Variants in IKZF2 observed in about 807,000 individuals in gnomAD.
IKZF2 encodes zinc finger protein Helios.
In IKZF2, 15 loss-of-function variants were observed where a neutral mutation model predicts 49.2. The ratio of observed to expected loss-of-function variants is 0.30; its 90% CI spans 0.20 to 0.47. IKZF2 has a LOEUF of 0.47. IKZF2 is among the 20% of genes least tolerant of loss of function. The pLI is 1.00. For missense variants in IKZF2, 567 were observed against 664.6 expected (o/e 0.85, Z 1.61); for synonymous variants, 227 against 221.4 (o/e 1.03, Z -0.23).
chr2:213,059,194 C>A (rs1160208155), intron 4 of IKZF2, among the ~76,000 whole-genome samples: 1 of 151,612 alleles, frequency 6.6e-6, no homozygotes, highest in Non-Finnish European at 1.5e-5. Context: ...AAGTTGTCTG[C>A]CCATTTTTCT....
intron 5 of IKZF2, among the ~76,000 whole-genome samples, chr2:213,054,238 C>T (rs1700942874): frequency 1.3e-5 from 2 of 149,986 alleles, no homozygotes; most frequent in African/African-American, 2.5e-5. Context: ...AGCAAGACTC[C>T]AACTCAAAAA....
At position 213,005,705 on chromosome 2, in the gene IKZF2, A is replaced by G. The variant is rs1392143028; in HGVS notation, c.*1655T>C. The G allele has an allele frequency of 2.6e-5, 4 of 152,088 alleles. No individual in the cohort carries two copies. Among genetic ancestry groups the G allele is most frequent in the Non-Finnish European group, 5.9e-5 (4 of 68,006 alleles). The allele number at this position is 152,088 out of a possible 1,614,324, so 9.4% of individuals were successfully genotyped here. On this transcript the variant is annotated 3_prime_UTR_variant, in exon 9 of 9. Coordinates refer to ENST00000434687, the MANE Select transcript of IKZF2 (RefSeq NM_001387220.1). ...GTCAGGTCTGTCCTCCCCAAACAGAAGCAGCAAGTTCTGCCTTCCAAGTAT... is the reference window on the plus strand; with the variant it reads ...GTCAGGTCTGTCCTCCCCAAACAGAGGCAGCAAGTTCTGCCTTCCAAGTAT...
chr2:213,041,071 T>C (rs1699592973), intron 6 of IKZF2, among the ~76,000 whole-genome samples: 1 of 151,294 alleles, frequency 6.6e-6, no homozygotes, highest in Non-Finnish European at 1.5e-5. Context: ...TGAGCCGAGA[T>C]CACGCCACTG....
chr2:213,107,270 C>T (rs2059565561), intron 4 of IKZF2, among the ~76,000 whole-genome samples: 1 of 152,132 alleles, frequency 6.6e-6, no homozygotes, highest in Admixed American at 6.6e-5. Flanking sequence ...TAAGGCTTAG[C>T]AAGACAAACA....
chr2:213,091,928 A>G (rs976327497), intron 4 of IKZF2, among the ~76,000 whole-genome samples: 15 of 149,624 alleles, frequency 1.0e-4, no homozygotes, highest in African/African-American at 3.4e-4. Context: ...GTGTGTGTGT[A>G]CTCATACTAT....
intron 4 of IKZF2, among the ~76,000 whole-genome samples, chr2:213,064,678 C>T (rs753087245): frequency 6.6e-6 from 1 of 151,966 alleles, no homozygotes; most frequent in Admixed American, 6.6e-5. Context: ...CTTTATCCAA[C>T]CTTTCGATGA....
intron 4 of IKZF2, among the ~76,000 whole-genome samples, chr2:213,089,154 A>G (rs867095943): frequency 6.6e-5 from 10 of 152,300 alleles, no homozygotes; most frequent in Middle Eastern, 6.8e-3. Flanking sequence ...TGACATCACT[A>G]TTCACCAGGC....
intron 4 of IKZF2, among the ~76,000 whole-genome samples, chr2:213,118,722 G>C (rs2059955955): frequency 6.6e-6 from 1 of 150,556 alleles, no homozygotes; most frequent in Non-Finnish European, 1.5e-5. Context: ...CTAATATTTT[G>C]TGCTTGTGAA....
At chr2:213,032,284 A>G (rs1698516586) in intron 6 of IKZF2, among the ~76,000 whole-genome samples, 1 of 152,226 alleles carries the variant, frequency 6.6e-6, no homozygotes, top group Non-Finnish European at 1.5e-5. Flanking sequence ...TTGCAGGTTG[A>G]GTTCCACCCC....
Position 213,072,488 on chromosome 2 carries a change from C to T in IKZF2, c.140-15389G>A, listed in dbSNP as rs529786352. Among the ~76,000 whole-genome samples, 57 of 152,102 alleles carry T rather than the reference C, an allele frequency of 3.7e-4. 1 individual carries two copies. In the South Asian group the frequency reaches 0.011, roughly 29 times the overall value. Reference sequence around the variant, plus strand: ...TCTGCAGATTTTATTATCATTATCGCTCACTGGGTATTGAACTTATCCCTG... The same window carrying T: ...TCTGCAGATTTTATTATCATTATCGTTCACTGGGTATTGAACTTATCCCTG... On this transcript the variant is annotated intron_variant, in intron 4 of 8. Coordinates refer to ENST00000434687, the MANE Select transcript of IKZF2 (RefSeq NM_001387220.1).
At chr2:213,038,413 G>A (rs1267760320) in intron 6 of IKZF2, among the ~76,000 whole-genome samples, 1 of 152,072 alleles carries the variant, frequency 6.6e-6, no homozygotes, top group Non-Finnish European at 1.5e-5. Context: ...ATAATCTTCT[G>A]GCCAAGTACC....
chr2:213,107,305 G>A (rs58537370), intron 4 of IKZF2, among the ~76,000 whole-genome samples: 2,150 of 152,250 alleles, frequency 0.014, 35 homozygotes, highest in African/African-American at 0.045. Context: ...TCTTGGGCAA[G>A]GTTTATCACA....
chr2:213,128,565 T>C (rs950113756), intron 4 of IKZF2, among the ~76,000 whole-genome samples: 3 of 151,966 alleles, frequency 2.0e-5, no homozygotes, highest in Non-Finnish European at 4.4e-5. Flanking sequence ...CCCCAAAACA[T>C]AAGAGTGTAT....
intron 6 of IKZF2, among the ~76,000 whole-genome samples, chr2:213,035,860 C>T (rs1698969715): frequency 6.6e-6 from 1 of 152,106 alleles, no homozygotes; most frequent in African/African-American, 2.4e-5. Context: ...ATTCTGGTTG[C>T]TATCTGGAGA....
intron 7 of IKZF2, chr2:213,015,288 G>C (rs1346165813): frequency 6.6e-6 from 1 of 152,016 alleles, no homozygotes; most frequent in Non-Finnish European, 1.5e-5. Context: ...CATTTAATAA[G>C]AAGTCCTCTG....
At chr2:213,049,490 A>T (rs566077146) in intron 6 of IKZF2, among the ~76,000 whole-genome samples, 1 of 152,242 alleles carries the variant, frequency 6.6e-6, no homozygotes, top group South Asian at 2.1e-4. Context: ...ATATTGAAGT[A>T]AGATACTCTT....
intron 6 of IKZF2, among the ~76,000 whole-genome samples, chr2:213,022,497 G>GA (rs1559173071): frequency 1.3e-5 from 2 of 150,940 alleles, no homozygotes; most frequent in Non-Finnish European, 3.0e-5. Flanking sequence ...AAGAGTTGTG[G>GA]TTTTTTTTTG....
chr2:213,047,314 T>C (rs960239998), intron 6 of IKZF2, among the ~76,000 whole-genome samples: 3 of 152,078 alleles, frequency 2.0e-5, no homozygotes, highest in East Asian at 1.9e-4. Flanking sequence ...GCTGGCTACA[T>C]GGAGTGGTGA....
chr2:213,053,414 C>T (rs934230414), intron 5 of IKZF2, among the ~76,000 whole-genome samples: 1 of 152,086 alleles, frequency 6.6e-6, no homozygotes, highest in Non-Finnish European at 1.5e-5. Context: ...TTCATAAACA[C>T]CTATTTCTAG....
Sources: allele counts gnomAD v4.1 joint callset (sites outside exome capture counted in the v4.1 genomes callset), GRCh38; gene constraint gnomAD v4.1.1; transcripts MANE v1.5; gene names NCBI Gene and HGNC (gene_info 2026-07-23, HGNC 2026-07-21).